Variants in IL17RD observed in about 807,000 individuals in gnomAD.
The protein encoded by IL17RD is interleukin-17 receptor D.
IL17RD carries 52 observed loss-of-function variants against 80.5 expected under a neutral mutation model. The observed-to-expected ratio is 0.65, with a 90% CI of 0.52 to 0.81. The LOEUF is 0.81. IL17RD is among the 40% of genes least tolerant of loss of function. The pLI is 0.00. For missense variants in IL17RD, 1,024 were observed against 955.1 expected, an observed-to-expected ratio of 1.07 and a Z score of -0.95; for synonymous variants, 416 against 391.8, an observed-to-expected ratio of 1.06 and a Z score of -0.73.
At chr3:57,125,931 T>G (rs1040606088) in intron 1 of IL17RD, among the ~76,000 whole-genome samples, 26 of 152,204 alleles carry the variant, frequency 1.7e-4, no homozygotes, top group African/African-American at 5.8e-4. Context: ...GAATGCATTA[T>G]TAAGCCAAGT....
chr3:57,099,771 T>C (rs1268824809), intron 11 of IL17RD, among the ~76,000 whole-genome samples: 4 of 152,264 alleles, frequency 2.6e-5, no homozygotes, highest in Admixed American at 2.0e-4. Flanking sequence ...TGGGACAATA[T>C]TGAACCACTG....
At position 57,092,830 on chromosome 3, in the gene IL17RD, T is replaced by C. The variant is rs1333504745; in HGVS notation, c.*3563A>G. 1.3e-5 allele frequency: 2 copies of C among 152,310 alleles called. No individual in the cohort carries two copies. Among genetic ancestry groups the C allele is most frequent in the East Asian group, 3.9e-4 (2 of 5,184 alleles). The allele number at this position is 152,310 out of a possible 1,614,324, so 9.4% of individuals were successfully genotyped here. A position where few individuals can be genotyped will look rare whatever the true frequency, so the allele number is the denominator to read the frequency against. ...CATTTTCTGGTGGCACCGTCTGTAATTACCATGAATGCCTTTCCTTCAAAT... is the reference window on the plus strand; with the variant it reads ...CATTTTCTGGTGGCACCGTCTGTAACTACCATGAATGCCTTTCCTTCAAAT... On this transcript the variant is annotated 3_prime_UTR_variant, in exon 13 of 13. Transcript: ENST00000296318.
chr3:57,154,283 T>TACACACATATACACACAC (rs2060252919), intron 1 of IL17RD, among the ~76,000 whole-genome samples: 1 of 112,908 alleles, frequency 8.9e-6, no homozygotes, highest in Non-Finnish European at 1.8e-5. Flanking sequence ...TATATATATA[T>TACACACATATACACACAC]ACACACACAC....
At chr3:57,136,067 A>C (rs1409478523) in intron 1 of IL17RD, among the ~76,000 whole-genome samples, 1 of 152,230 alleles carries the variant, frequency 6.6e-6, no homozygotes, top group African/African-American at 2.4e-5. Context: ...TCTCCAGTGA[A>C]TAACAGAACT....
rs775653084 is a variant in IL17RD at position 57,127,397 on chromosome 3, T to TAAATAAATAA, written c.127-7085_127-7084insTTATTTATTT. Among the ~76,000 whole-genome samples the TAAATAAATAA allele has an allele frequency of 1.3e-4, 13 of 96,614 alleles. No individual in the cohort carries two copies. The East Asian group carries it at 2.4e-3, about 18-fold the overall frequency. The allele number at this position is 96,614 out of a possible 152,430, so 63.4% of individuals were successfully genotyped here. On this transcript the variant is annotated intron_variant, in intron 1 of 12. Transcript: ENST00000296318. ...ATATATAAATAAATAAATAAATAAA[T>TAAATAAATAA]ATATATATATATATATTTTTTTTTT...
Position 57,102,717 on chromosome 3 carries a change from T to A in IL17RD, c.869-128A>T, listed in dbSNP as rs553136347. 3 of 484,696 alleles carry A rather than the reference T, an allele frequency of 6.2e-6. No individual in the cohort carries two copies. In the South Asian group the frequency reaches 1.5e-4, roughly 24 times the overall value. The allele number at this position is 484,696 out of a possible 1,614,324, so 30.0% of individuals were successfully genotyped here. A position where few individuals can be genotyped will look rare whatever the true frequency, so the allele number is the denominator to read the frequency against. ...GGACCATGCAACCACCTTTCTCTAG[T>A]GTGGTTTGGTGATTTAAAAAGGATT... is the stretch of plus-strand genomic sequence containing the variant. On this transcript the variant is annotated intron_variant, in intron 9 of 12. Transcript: ENST00000296318.
intron 1 of IL17RD, among the ~76,000 whole-genome samples, chr3:57,139,947 A>C (rs966488033): frequency 6.6e-6 from 1 of 152,176 alleles, no homozygotes; most frequent in Non-Finnish European, 1.5e-5. Flanking sequence ...TACAGGAAAA[A>C]TAGAAAACAT....
chr3:57,123,243 G>A (rs1707378413), intron 1 of IL17RD, among the ~76,000 whole-genome samples: 1 of 152,172 alleles, frequency 6.6e-6, no homozygotes, highest in Non-Finnish European at 1.5e-5. Flanking sequence ...ACTCAGCTAT[G>A]AAGCAGACCC....
At chr3:57,139,327 A>C (rs2107524612) in intron 1 of IL17RD, among the ~76,000 whole-genome samples, 1 of 152,294 alleles carries the variant, frequency 6.6e-6, no homozygotes, top group African/African-American at 2.4e-5. Flanking sequence ...GCTACGGGTA[A>C]AAGAATGTCA....
At chr3:57,107,276 G>A (rs552142262) in intron 5 of IL17RD, among the ~76,000 whole-genome samples, 1 of 152,168 alleles carries the variant, frequency 6.6e-6, no homozygotes, top group South Asian at 2.1e-4. Context: ...CTACTCAGGA[G>A]GCTGAGTCAG....
rs1432292568 is a variant in IL17RD, at chr3:57,091,883, A to C, written c.*4510T>G. The C allele has an allele frequency of 6.6e-6, 1 of 152,270 alleles. No homozygotes were observed. Among genetic ancestry groups the C allele is most frequent in the African/African-American group, 2.4e-5 (1 of 41,466 alleles). The allele number at this position is 152,270 out of a possible 1,614,324, so 9.4% of individuals were successfully genotyped here. A position where few individuals can be genotyped will look rare whatever the true frequency, so the allele number is the denominator to read the frequency against. Reference sequence around the variant, plus strand: ...TGACACCAGGGGGAGAATATGCTAGATAATCTAAACTCTCTCCTAGTCCCT... The same window carrying C: ...TGACACCAGGGGGAGAATATGCTAGCTAATCTAAACTCTCTCCTAGTCCCT... On this transcript the variant is annotated 3_prime_UTR_variant, in exon 13 of 13. Transcript: ENST00000296318.
intron 1 of IL17RD, among the ~76,000 whole-genome samples, chr3:57,130,627 G>C (rs752356986): frequency 1.1e-4 from 17 of 152,154 alleles, no homozygotes; most frequent in Non-Finnish European, 2.1e-4. Flanking sequence ...AAGCTCTGAC[G>C]GGCAGATGGG....
intron 1 of IL17RD, among the ~76,000 whole-genome samples, chr3:57,158,456 C>A (rs1445224560): frequency 1.3e-5 from 2 of 152,178 alleles, no homozygotes; most frequent in Non-Finnish European, 2.9e-5. Context: ...TTTATGAGCC[C>A]ATTTCCGTTT....
intron 1 of IL17RD, among the ~76,000 whole-genome samples, chr3:57,124,773 T>C (rs1189097233): frequency 6.6e-6 from 1 of 152,242 alleles, no homozygotes; most frequent in Non-Finnish European, 1.5e-5. Context: ...TACACTCATA[T>C]AATTTCAGCT....
At chr3:57,127,519 C>A (rs375793128) in intron 1 of IL17RD, among the ~76,000 whole-genome samples, 3 of 148,928 alleles carry the variant, frequency 2.0e-5, no homozygotes, top group Non-Finnish European at 4.4e-5. Context: ...GATTTTTTTG[C>A]CTCAGCTTCC....
At position 57,091,410 on chromosome 3, in the gene IL17RD, AT is replaced by A. The variant is rs1341470508; in HGVS notation, c.*4982del. 6.6e-6 allele frequency: 1 copy of A among 152,640 alleles called. No individual in the cohort carries two copies. The highest frequency in any genetic ancestry group is 1.5e-5 in the Non-Finnish European group (1 of 68,038). 9.5% of individuals were successfully genotyped at this position (152,640 alleles called of 1,614,324 possible). A position where few individuals can be genotyped will look rare whatever the true frequency, so the allele number is the denominator to read the frequency against. On this transcript the variant is annotated 3_prime_UTR_variant, in exon 13 of 13. Coordinates refer to ENST00000296318, the MANE Select transcript of IL17RD (RefSeq NM_017563.5). The stretch of plus-strand genomic sequence containing the variant: ...TATCATTTTGTGAAAGTGCCATTAT[AT>A]TTTTAAGTGGTAAGAGGAGCTGGGT...
chr3:57,114,249 T>C (rs1262490249), intron 3 of IL17RD, among the ~76,000 whole-genome samples: 4 of 152,112 alleles, frequency 2.6e-5, no homozygotes, highest in African/African-American at 9.7e-5. Context: ...TTGTCTTTCA[T>C]GAACACTGGG....
In IL17RD at chr3:57,106,420, G is replaced by A. The variant is rs2171503; in HGVS notation, c.551-266C>T. On this transcript the variant is annotated intron_variant, in intron 5 of 12. Coordinates refer to ENST00000296318, the MANE Select transcript of IL17RD (RefSeq NM_017563.5). ...CACCCAGATTTTAAAAGCTTGTCAG[G>A]CATTACATAATTTCAAGGCTGGTAG... 0.014 allele frequency among the ~76,000 whole-genome samples: 2,131 copies of A among 152,236 alleles called. 56 individuals are homozygous for A. The highest frequency in any genetic ancestry group is 0.049 in the African/African-American group (2,035 of 41,514).
chr3:57,112,758 C>T lies in IL17RD; in HGVS notation c.310+1934G>A, dbSNP rs540481964. ...GGTTCGGCCCATGGGTCTGCTTTAT[C>T]CTCCCTCTCCTGCAATCTGGTTCTT... On this transcript the variant is annotated intron_variant, in intron 3 of 12. Transcript: ENST00000296318. 2.2e-4 allele frequency among the ~76,000 whole-genome samples: 33 copies of T among 152,284 alleles called. No individual in the cohort carries two copies. The South Asian group carries it at 3.3e-3, about 15-fold the overall frequency.
Sources: allele counts gnomAD v4.1 joint callset (sites outside exome capture counted in the v4.1 genomes callset), GRCh38; gene constraint gnomAD v4.1.1; transcripts MANE v1.5; gene names NCBI Gene and HGNC (gene_info 2026-07-23, HGNC 2026-07-21).